Variants in EPS8 observed in about 807,000 individuals in gnomAD.
The protein encoded by EPS8 is EGFR pathway substrate 8, signaling adaptor.
In EPS8, 42 loss-of-function variants were observed where a neutral mutation model predicts 103.8. The observed-to-expected ratio is 0.40, with a 90% CI of 0.32 to 0.52. The LOEUF is 0.52. Among genes scored for constraint, EPS8 ranks in the 20% least tolerant of loss-of-function variants. The pLI is 0.40. For missense variants in EPS8, 969 were observed against 1,005.1 expected (o/e 0.96, Z 0.49); for synonymous variants, 344 against 344.6 (o/e 1.00, Z 0.02).
chr12:15,719,786 G>C (rs773118644), intron 1 of EPS8, among the ~76,000 whole-genome samples: 1 of 152,086 alleles, frequency 6.6e-6, no homozygotes, highest in Non-Finnish European at 1.5e-5. Flanking sequence ...TCCTAACCAA[G>C]TCTTAATCTT....
At chr12:15,753,467 A>G (rs1245413207) in intron 1 of EPS8, among the ~76,000 whole-genome samples, 2 of 152,190 alleles carry the variant, frequency 1.3e-5, no homozygotes, top group African/African-American at 4.8e-5. Context: ...TATTGCTTTT[A>G]CCATTATACA....
chr12:15,783,308 T>C (rs1232540911), intron 1 of EPS8, among the ~76,000 whole-genome samples: 1 of 152,218 alleles, frequency 6.6e-6, no homozygotes, highest in Non-Finnish European at 1.5e-5. Flanking sequence ...ACATATAATA[T>C]ACAAAATGTG....
rs1048882612 is a variant in EPS8, at chr12:15,772,826, T to C, written c.-22+16335A>G. The stretch of plus-strand genomic sequence containing the variant: ...TACAAACATACATTCATTCAGCAAA[T>C]AGACGGGTCTACAAAGTACCAGAAA... On this transcript the variant is annotated intron_variant, in intron 1 of 20. Transcript: ENST00000281172. This position sits in a 1 kb window ranked among gnomAD's most constrained non-coding sequence, Gnocchi z 5.0. Among the ~76,000 whole-genome samples the C allele has an allele frequency of 1.3e-5, 2 of 152,124 alleles. No individual in the cohort carries two copies. Among genetic ancestry groups the C allele is most frequent in the African/African-American group, 2.4e-5 (1 of 41,432 alleles).
At position 15,702,562 on chromosome 12, in the gene EPS8, T is replaced by C. The variant is rs541876632; in HGVS notation, c.-21-19590A>G. ...AAATCTTCATAGAGCAGCAGCAAAC[T>C]ACTGAAGAAAAAAAATGCATGCTTA... On this transcript the variant is annotated intron_variant, in intron 1 of 20. Transcript: ENST00000281172. The surrounding 1 kb of genome is among the most constrained non-coding windows in gnomAD (Gnocchi z 5.1). Among the ~76,000 whole-genome samples the C allele has an allele frequency of 6.6e-6, 1 of 152,122 alleles. No individual in the cohort carries two copies. The highest frequency in any genetic ancestry group is 2.1e-4 in the South Asian group (1 of 4,816).
intron 8 of EPS8, chr12:15,662,394 T>C (rs907165198): frequency 2.7e-5 from 30 of 1,120,786 alleles, no homozygotes; most frequent in Admixed American, 4.6e-5. Flanking sequence ...GAACCAACCT[T>C]AACTTAGCAC....
rs1565527951 is a variant in EPS8 at position 15,745,789 on chromosome 12, A to C, written c.-22+43372T>G. Among the ~76,000 whole-genome samples the C allele has an allele frequency of 6.6e-6, 1 of 152,212 alleles. No homozygotes were observed. Among genetic ancestry groups the C allele is most frequent in the Non-Finnish European group, 1.5e-5 (1 of 68,036 alleles). ...CCTTTTAGTAGAAACATCAAGAGCTATTATATGTGGTTTCCCAGTACATGT... is the reference window on the plus strand; with the variant it reads ...CCTTTTAGTAGAAACATCAAGAGCTCTTATATGTGGTTTCCCAGTACATGT... On this transcript the variant is annotated intron_variant, in intron 1 of 20. Transcript: ENST00000281172. This position sits in a 1 kb window ranked among gnomAD's most constrained non-coding sequence, Gnocchi z 4.6.
Position 15,660,681 on chromosome 12 carries a change from T to G in EPS8, c.870A>C (p.Ala290=). The change falls in exon 10 of 21, where the codon GCA becomes GCC. Residue 290 remains alanine, a synonymous_variant. Transcript: ENST00000281172. The part of the protein sequence containing the change: ...IEFFITKLQK[A]AEAFSELSKR... ...TAGAAAGCTCAGAAAATGCTTCTGC[T>G]GCTTTTTGGAGTTTTGTGATAAAAA... 6.2e-7 allele frequency: 1 copy of G among 1,612,164 alleles called. No homozygotes were observed. The highest frequency in any genetic ancestry group is 8.5e-7 in the Non-Finnish European group (1 of 1,178,434).
Position 15,706,329 on chromosome 12 carries a change from T to C in EPS8, c.-21-23357A>G, listed in dbSNP as rs945502689. On this transcript the variant is annotated intron_variant, in intron 1 of 20. Coordinates refer to ENST00000281172, the MANE Select transcript of EPS8 (RefSeq NM_004447.6). This position sits in a 1 kb window ranked among gnomAD's most constrained non-coding sequence, Gnocchi z 5.2. The stretch of plus-strand genomic sequence containing the variant: ...ATTCAAAAGGCAAGGCGGGAAGCAC[T>C]GCAGCATTGACAATGCCAAGTTCTT... Among the ~76,000 whole-genome samples the C allele has an allele frequency of 2.0e-5, 3 of 152,222 alleles. No individual in the cohort carries two copies. Among genetic ancestry groups the C allele is most frequent in the Non-Finnish European group, 4.4e-5 (3 of 68,032 alleles).
rs75000744 is a variant in EPS8, at chr12:15,641,469, G to C, written c.1677+253C>G. Among the ~76,000 whole-genome samples the C allele has an allele frequency of 8.7e-3, 1,315 of 151,784 alleles. 18 individuals are homozygous for C. Among genetic ancestry groups the C allele is most frequent in the African/African-American group, 0.03 (1,239 of 41,442 alleles). On this transcript the variant is annotated intron_variant, in intron 16 of 20. Transcript: ENST00000281172. ...AATAAATATCAGAAGAAGAAAGAGG[G>C]CAAGGAAGAGAGCAAAGGAAGTTAA...
At chr12:15,691,734 T>G (rs1946174761) in intron 1 of EPS8, among the ~76,000 whole-genome samples, 1 of 152,242 alleles carries the variant, frequency 6.6e-6, no homozygotes, top group East Asian at 1.9e-4. Context: ...ACCACATTTT[T>G]GTGAGACTAA....
intron 1 of EPS8, among the ~76,000 whole-genome samples, chr12:15,715,119 G>A (rs924322187): frequency 1.3e-5 from 2 of 152,266 alleles, no homozygotes; most frequent in South Asian, 2.1e-4. Flanking sequence ...GCTCTTTCAG[G>A]ATGGCCTCAC....
intron 1 of EPS8, among the ~76,000 whole-genome samples, chr12:15,712,682 G>C (rs891148714): frequency 6.6e-5 from 10 of 152,156 alleles, no homozygotes; most frequent in Non-Finnish European, 1.5e-4. Flanking sequence ...ATTTCACCAA[G>C]TTCAGAATCC....
rs548526710 is a variant in EPS8 at position 15,632,773 on chromosome 12, G to C, written c.1822-1109C>G. Among the ~76,000 whole-genome samples, 1,335 of 151,926 alleles carry C rather than the reference G, an allele frequency of 8.8e-3. 26 individuals carry two copies. The highest frequency in any genetic ancestry group is 0.031 in the African/African-American group (1,281 of 41,430). ...AAAACAAAAATACACACCACACACA[G>C]ACACATCACTTTTTAATTAAACTAT... is the stretch of plus-strand genomic sequence containing the variant. On this transcript the variant is annotated intron_variant, in intron 17 of 20. Transcript: ENST00000281172.
In EPS8 at chr12:15,621,408, A is replaced by C; in HGVS notation, c.2378T>G (p.Leu793Ter). The change falls in exon 21 of 21, where the codon TTA (leucine) becomes TGA (stop). Residue 793 changes from leucine (L) to a stop codon, truncating the protein, a stop_gained. Coordinates refer to ENST00000281172, the MANE Select transcript of EPS8 (RefSeq NM_004447.6). LOFTEE classifies it high-confidence loss of function. ...CTGTCGTCTTCTCATAATTTCTTGT[A>C]ACTCGGAGCTGCCACTGCTATCCTG... is the stretch of plus-strand genomic sequence containing the variant. ...ALEDSSGSSE[L>*]QEIMRRRQEK... 6.2e-7 allele frequency: 1 copy of C among 1,602,694 alleles called. No individual in the cohort carries two copies. Among genetic ancestry groups the C allele is most frequent in the Non-Finnish European group, 8.5e-7 (1 of 1,174,410 alleles).
rs182269151 is a variant in EPS8, at chr12:15,706,209, C to T, written c.-21-23237G>A. Among the ~76,000 whole-genome samples, 67 of 152,272 alleles carry T rather than the reference C, an allele frequency of 4.4e-4. No individual in the cohort carries two copies. The highest frequency in any genetic ancestry group is 1.5e-3 in the African/African-American group (61 of 41,548). On this transcript the variant is annotated intron_variant, in intron 1 of 20. Coordinates refer to ENST00000281172, the MANE Select transcript of EPS8 (RefSeq NM_004447.6). This position sits in a 1 kb window ranked among gnomAD's most constrained non-coding sequence, Gnocchi z 5.2. The stretch of plus-strand genomic sequence containing the variant: ...GTGGGAGGGGATCCCTGGCAAAGCT[C>T]CTGCCGGCCTGTGCACTGGGGTGGA...
chr12:15,742,565 A>G (rs1032304773), intron 1 of EPS8, among the ~76,000 whole-genome samples: 2 of 152,196 alleles, frequency 1.3e-5, no homozygotes, highest in African/African-American at 2.4e-5. Flanking sequence ...TATCCACCAC[A>G]ATCAAGTTGG....
rs1944918472 is a variant in EPS8 at position 15,624,804 on chromosome 12, A to G, written c.2045-397T>C. ...CATTTCCTTAGACTGGTGGCTCTCA[A>G]CTGGGGACAGTTTTGGCCCCAGAGG... On this transcript the variant is annotated intron_variant, in intron 18 of 20. Coordinates refer to ENST00000281172, the MANE Select transcript of EPS8 (RefSeq NM_004447.6). Among the ~76,000 whole-genome samples, 3 of 152,162 alleles carry G rather than the reference A, an allele frequency of 2.0e-5. No homozygotes were observed. The South Asian group carries it at 6.2e-4, about 31-fold the overall frequency.
Position 15,776,565 on chromosome 12 carries a change from G to T in EPS8, c.-22+12596C>A, listed in dbSNP as rs908689103. Among the ~76,000 whole-genome samples the T allele has an allele frequency of 1.3e-5, 2 of 152,156 alleles. No homozygotes were observed. Among genetic ancestry groups the T allele is most frequent in the East Asian group, 1.9e-4 (1 of 5,198 alleles). On this transcript the variant is annotated intron_variant, in intron 1 of 20. Coordinates refer to ENST00000281172, the MANE Select transcript of EPS8 (RefSeq NM_004447.6). The surrounding 1 kb of genome is among the most constrained non-coding windows in gnomAD (Gnocchi z 4.2). ...AGCCCAATAACGTCAATGTTAGCTA[G>T]AAATGTCTGGCTCAATCTCGCAAGA...
chr12:15,648,416 C>T (rs887000279), intron 14 of EPS8, among the ~76,000 whole-genome samples: 8 of 152,112 alleles, frequency 5.3e-5, no homozygotes, highest in Non-Finnish European at 1.0e-4. Flanking sequence ...ATGGTTACCA[C>T]AGTTAATTCT....
Sources: allele counts gnomAD v4.1 joint callset (sites outside exome capture counted in the v4.1 genomes callset), GRCh38; gene constraint gnomAD v4.1.1; non-coding constraint Gnocchi (gnomAD v3.1); transcripts MANE v1.5; gene names NCBI Gene and HGNC (gene_info 2026-07-23, HGNC 2026-07-21).